Variants in ANXA10 observed in about 807,000 individuals in gnomAD.
ANXA10 encodes annexin A10.
Under a neutral mutation model 53.5 loss-of-function variants are expected in ANXA10, and 49 were observed. That is an observed-to-expected ratio of 0.92 (90% confidence interval 0.73 to 1.16). The LOEUF is 1.16. Ranked by LOEUF, ANXA10 falls within the 50% of genes most tolerant of loss-of-function variation. ANXA10 has a pLI of 0.00. For missense variants in ANXA10, 393 were observed against 394.4 expected (o/e 1.00, Z 0.03); for synonymous variants, 131 against 128.9 (o/e 1.02, Z -0.11).
intron 3 of ANXA10, among the ~76,000 whole-genome samples, chr4:168,145,382 A>AG (rs1181730054): frequency 6.6e-6 from 1 of 152,222 alleles, no homozygotes; most frequent in Non-Finnish European, 1.5e-5. Context: ...AGTCTTGCAA[A>AG]GGCAGCCAAG....
chr4:168,109,155 AT>A (rs889236108), intron 1 of ANXA10, among the ~76,000 whole-genome samples: 1 of 151,790 alleles, frequency 6.6e-6, no homozygotes, highest in African/African-American at 2.4e-5. Context: ...TGTTTCCCAC[AT>A]TTTTTTTCTG....
intron 6 of ANXA10, 109 bp downstream of exon 6, chr4:168,165,435 T>G: frequency 2.0e-6 from 1 of 488,660 alleles, no homozygotes; most frequent in East Asian, 3.3e-5. Flanking sequence ...TATATTACAG[T>G]TCAATAGTAA....
At chr4:168,158,031 G>A (rs1731718838) in intron 3 of ANXA10, among the ~76,000 whole-genome samples, 1 of 152,106 alleles carries the variant, frequency 6.6e-6, no homozygotes, top group Admixed American at 6.6e-5. Context: ...TTGCTAACGT[G>A]GTTGCAATAT....
At chr4:168,136,641 C>A (rs1468107833) in intron 2 of ANXA10, among the ~76,000 whole-genome samples, 1 of 152,228 alleles carries the variant, frequency 6.6e-6, no homozygotes, top group Admixed American at 6.5e-5. Context: ...GCTCCGCCCC[C>A]ATGGCTCTGC....
At chr4:168,110,051 A>G (rs577468878) in intron 1 of ANXA10, among the ~76,000 whole-genome samples, 1 of 152,264 alleles carries the variant, frequency 6.6e-6, no homozygotes, top group East Asian at 1.9e-4. Flanking sequence ...TCTACTAAAA[A>G]TACAAAAGAA....
chr4:168,102,386 G>C (rs897893781), intron 1 of ANXA10, among the ~76,000 whole-genome samples: 1 of 152,028 alleles, frequency 6.6e-6, no homozygotes, highest in African/African-American at 2.4e-5. Flanking sequence ...CCACCACACT[G>C]CCTGCCTGTA....
At chr4:168,182,624 C>T (rs1384160494) in intron 10 of ANXA10, among the ~76,000 whole-genome samples, 11 of 150,138 alleles carry the variant, frequency 7.3e-5, no homozygotes, top group Non-Finnish European at 1.6e-4. Context: ...TGAGCCACCG[C>T]GCCCGGCCTG....
chr4:168,096,911 CATATAT>C (rs35451323), intron 1 of ANXA10, among the ~76,000 whole-genome samples: 3 of 109,670 alleles, frequency 2.7e-5, no homozygotes, highest in African/African-American at 1.0e-4. Flanking sequence ...AATACAAATG[CATATAT>C]ATATATATAT....
intron 3 of ANXA10, among the ~76,000 whole-genome samples, chr4:168,155,909 ATT>A: frequency 7.7e-5 from 1 of 12,932 alleles, no homozygotes; most frequent in Non-Finnish European, 1.2e-4. Flanking sequence ...TATATCATAT[ATT>A]ATATTATATA....
intron 3 of ANXA10, among the ~76,000 whole-genome samples, chr4:168,157,798 T>G (rs72987481): frequency 6.6e-6 from 1 of 152,214 alleles, no homozygotes; most frequent in Non-Finnish European, 1.5e-5. Context: ...CTATGTGTAT[T>G]CTTTTATTGC....
intron 3 of ANXA10, among the ~76,000 whole-genome samples, chr4:168,156,102 T>A (rs1357280942): frequency 3.3e-5 from 2 of 61,288 alleles, no homozygotes; most frequent in Non-Finnish European, 5.3e-5. Context: ...TTATTATATA[T>A]AAATATTATA....
At chr4:168,122,376 A>G (rs1416743141) in intron 1 of ANXA10, among the ~76,000 whole-genome samples, 1 of 152,214 alleles carries the variant, frequency 6.6e-6, no homozygotes. Context: ...ATTTACGTTG[A>G]AACTCGCACA....
rs182755535 is a variant in ANXA10 at position 168,168,566 on chromosome 4, C to T, written c.480+3240C>T. Among the ~76,000 whole-genome samples, 1,030 of 152,128 alleles carry T rather than the reference C, an allele frequency of 6.8e-3. 8 individuals are homozygous for T. The highest frequency in any genetic ancestry group is 0.024 in the African/African-American group (986 of 41,500). On this transcript the variant is annotated intron_variant, in intron 6 of 11. Transcript: ENST00000359299. ...TCCCGAGTAGCTGGGATTACAGGCACGTGCCACCAAGCCCAGCTAATATTT... is the reference window on the plus strand; with the variant it reads ...TCCCGAGTAGCTGGGATTACAGGCATGTGCCACCAAGCCCAGCTAATATTT...
intron 1 of ANXA10, among the ~76,000 whole-genome samples, chr4:168,095,400 A>G (rs890328096): frequency 1.3e-5 from 2 of 151,966 alleles, no homozygotes; most frequent in African/African-American, 2.4e-5. Flanking sequence ...TCCTACTTCT[A>G]TAATATTTAT....
chr4:168,177,873 G>A lies in ANXA10; in HGVS notation c.535-17G>A. The A allele has an allele frequency of 6.2e-7, 1 of 1,614,112 alleles. No homozygotes were observed. The highest frequency in any genetic ancestry group is 8.5e-7 in the Non-Finnish European group (1 of 1,179,994). ...GGAGTGGTTCTGATGCTACTTCTCT[G>A]CTGGCTAATGTTCCAGGTCCTATGG... On this transcript the variant is annotated splice_polypyrimidine_tract_variant and intron_variant, in intron 7 of 11. Transcript: ENST00000359299.
At chr4:168,121,960 A>G (rs1392404368) in intron 1 of ANXA10, among the ~76,000 whole-genome samples, 1 of 152,078 alleles carries the variant, frequency 6.6e-6, no homozygotes, top group East Asian at 1.9e-4. Flanking sequence ...TCTCTGTCTC[A>G]GCCTCCCGAG....
chr4:168,101,637 G>A (rs1213842383), intron 1 of ANXA10, among the ~76,000 whole-genome samples: 2 of 151,882 alleles, frequency 1.3e-5, no homozygotes, highest in African/African-American at 2.4e-5. Flanking sequence ...ATTGAAGACC[G>A]ATATTTAAAA....
chr4:168,143,877 C>T (rs1731365711), intron 3 of ANXA10, among the ~76,000 whole-genome samples: 1 of 152,080 alleles, frequency 6.6e-6, no homozygotes, highest in South Asian at 2.1e-4. Flanking sequence ...CAGTAATGCC[C>T]ACTGTTCTCA....
At chr4:168,178,218 A>G (rs1378506313) in intron 8 of ANXA10, 7 of 495,500 alleles carry the variant, frequency 1.4e-5, no homozygotes, top group Non-Finnish European at 2.5e-5. Context: ...CATTTTAAAA[A>G]TAATCTCTGT....
Sources: gnomAD v4.1 joint callset for allele counts (sites outside exome capture counted in the v4.1 genomes callset) on GRCh38, gnomAD v4.1.1 for gene constraint, MANE v1.5 for transcripts, NCBI Gene and HGNC (gene_info 2026-07-23, HGNC 2026-07-21) for gene names.